PRIM2: variants seen among roughly 807,000 people sequenced by gnomAD.
PRIM2 encodes DNA primase large subunit.
In PRIM2, 39 loss-of-function variants were observed where a neutral mutation model predicts 67.3. The ratio of observed to expected loss-of-function variants is 0.58; its 90% CI spans 0.45 to 0.76. PRIM2 has a LOEUF of 0.76. Ranked by LOEUF, PRIM2 falls within the 30% of genes least tolerant of loss-of-function variation. PRIM2 has a pLI of 0.00. For missense variants in PRIM2, 398 were observed against 598.7 expected, an observed-to-expected ratio of 0.66 and a Z score of 3.50; for synonymous variants, 143 against 198.7, an observed-to-expected ratio of 0.72 and a Z score of 2.36.
At chr6:57,551,452 TGATATTGATTAG>T (rs1775400878) in intron 10 of PRIM2, among the ~76,000 whole-genome samples, 1 of 152,202 alleles carries the variant, frequency 6.6e-6, no homozygotes, top group South Asian at 2.1e-4. Flanking sequence ...ATGGTAAGGA[TGATATTGATTAG>T]GCACCCTAAG....
chr6:57,510,599 G>C (rs1554347625), intron 8 of PRIM2, among the ~76,000 whole-genome samples: 49,730 of 151,894 alleles, frequency 0.33, 8,130 homozygotes, highest in East Asian at 0.45. Flanking sequence ...AGGCAACCAG[G>C]ACTAGATGCT....
At chr6:57,587,857 A>T (rs1409590436) in intron 10 of PRIM2, among the ~76,000 whole-genome samples, 4 of 151,936 alleles carry the variant, frequency 2.6e-5, no homozygotes, top group African/African-American at 9.7e-5. Flanking sequence ...TTAATAGCCA[A>T]ATGGAAGTAA....
At chr6:57,317,018 G>A (rs1767501594), upstream of PRIM2, among the ~76,000 whole-genome samples, 1 of 152,248 alleles carries the variant, frequency 6.6e-6, no homozygotes. Flanking sequence ...GAACCTGCCA[G>A]TAGGGGCTTG....
rs1421539168 is a variant in PRIM2, at chr6:57,582,896, C to A, written c.1021-18197C>A. 1.9e-3 allele frequency among the ~76,000 whole-genome samples: 276 copies of A among 148,496 alleles called. 1 individual carries two copies. Among genetic ancestry groups the A allele is most frequent in the Middle Eastern group, 3.6e-3 (1 of 280 alleles). ...TGGTGTGCTGCACCCATTAACTCGT[C>A]ATTTAGCATTAGGTATATCTCCCAA... is the stretch of plus-strand genomic sequence containing the variant. On this transcript the variant is annotated intron_variant, in intron 10 of 13. Coordinates refer to ENST00000615550, the MANE Select transcript of PRIM2 (RefSeq NM_000947.5).
At chr6:57,310,713 T>G (rs1410195016), upstream of PRIM2, among the ~76,000 whole-genome samples, 2 of 123,410 alleles carry the variant, frequency 1.6e-5, no homozygotes, top group African/African-American at 6.3e-5. Flanking sequence ...CCAGATGGGG[T>G]GGCCGGGCAG....
At chr6:57,415,746 T>C (rs1205270908) in intron 7 of PRIM2, among the ~76,000 whole-genome samples, 1 of 152,240 alleles carries the variant, frequency 6.6e-6, no homozygotes, top group Non-Finnish European at 1.5e-5. Flanking sequence ...ATTTCAACAA[T>C]GTTCATAGCA....
the PRIM2 span, among the ~76,000 whole-genome samples, chr6:57,255,804 C>T: frequency 2.6e-5 from 4 of 152,030 alleles, no homozygotes; most frequent in African/African-American, 9.7e-5. Context: ...ATGAATAAGA[C>T]ACTACTAGAC....
chr6:57,448,743 A>G (rs2215510), intron 7 of PRIM2, among the ~76,000 whole-genome samples: 1 of 152,212 alleles, frequency 6.6e-6, no homozygotes, highest in African/African-American at 2.4e-5. Flanking sequence ...TTAAGATAAA[A>G]AAGTTGTTAA....
chr6:57,282,030 T>A, the PRIM2 span, among the ~76,000 whole-genome samples: 1 of 152,124 alleles, frequency 6.6e-6, no homozygotes, highest in Non-Finnish European at 1.5e-5. Flanking sequence ...AAGGTCACCG[T>A]TAATGAGGGA....
At chr6:57,444,423 T>C (rs1772298640) in intron 7 of PRIM2, among the ~76,000 whole-genome samples, 1 of 151,986 alleles carries the variant, frequency 6.6e-6, no homozygotes, top group South Asian at 2.1e-4. Flanking sequence ...AAAAATTAGC[T>C]GTGTGTAGTG....
At chr6:57,267,730 G>A in the PRIM2 span, among the ~76,000 whole-genome samples, 1,562 of 151,010 alleles carry the variant, frequency 0.01, 12 homozygotes, top group Non-Finnish European at 0.017. Flanking sequence ...GCAACATTGC[G>A]ACACCCCATC....
chr6:57,320,561 G>T lies in PRIM2; in HGVS notation c.258+1G>T, dbSNP rs775500076. The T allele has an allele frequency of 6.3e-7, 1 of 1,586,948 alleles. No individual in the cohort carries two copies. The highest frequency in any genetic ancestry group is 1.2e-5 in the South Asian group (1 of 86,752). On this transcript the variant is annotated splice_donor_variant, in intron 3 of 13. Coordinates refer to ENST00000615550, the MANE Select transcript of PRIM2 (RefSeq NM_000947.5). LOFTEE classifies it high-confidence loss of function. ...TCGGAAGCTCAAGTTTTCCTACAGA[G>T]TAAGTAAAAAAGGAAAAAAAAGTTC...
intron 11 of PRIM2, among the ~76,000 whole-genome samples, chr6:57,602,030 CAGAT>C (rs1267968812): frequency 4.0e-5 from 6 of 151,046 alleles, no homozygotes; most frequent in Non-Finnish European, 1.5e-5. Flanking sequence ...TATAGATAGA[CAGAT>C]AAGATAGATC....
At chr6:57,256,470 C>A in the PRIM2 span, among the ~76,000 whole-genome samples, 21 of 152,100 alleles carry the variant, frequency 1.4e-4, 1 homozygote, top group South Asian at 4.3e-3. Context: ...GATAAAATAA[C>A]GTAAGTCACA....
intron 7 of PRIM2, among the ~76,000 whole-genome samples, chr6:57,451,404 T>G (rs2127390402): frequency 6.6e-6 from 1 of 152,298 alleles, no homozygotes; most frequent in South Asian, 2.1e-4. Context: ...ACTCTCAAAG[T>G]GCTGGGATTA....
At chr6:57,328,847 G>A (rs1388456322) in intron 5 of PRIM2, among the ~76,000 whole-genome samples, 1 of 152,126 alleles carries the variant, frequency 6.6e-6, no homozygotes, top group Non-Finnish European at 1.5e-5. Flanking sequence ...AAAAAATATA[G>A]CCATCATAGT....
intron 11 of PRIM2, among the ~76,000 whole-genome samples, chr6:57,602,097 T>A (rs1776479287): frequency 6.6e-6 from 1 of 151,436 alleles, no homozygotes; most frequent in Non-Finnish European, 1.5e-5. Flanking sequence ...TTCATTCTTG[T>A]TGCCCAGGCT....
At chr6:57,643,559 G>C (rs1777284265) in intron 13 of PRIM2, among the ~76,000 whole-genome samples, 1 of 152,130 alleles carries the variant, frequency 6.6e-6, no homozygotes, top group Admixed American at 6.5e-5. Flanking sequence ...TTTACAAACT[G>C]TAAAGCCTTC....
At chr6:57,536,278 G>A (rs1775001092) in intron 9 of PRIM2, among the ~76,000 whole-genome samples, 1 of 152,240 alleles carries the variant, frequency 6.6e-6, no homozygotes, top group South Asian at 2.1e-4. Context: ...ATTTAAGGAA[G>A]TCATAGAGAA....
Sources: allele counts gnomAD v4.1 joint callset (sites outside exome capture counted in the v4.1 genomes callset), GRCh38; gene constraint gnomAD v4.1.1; transcripts MANE v1.5; gene names NCBI Gene and HGNC (gene_info 2026-07-23, HGNC 2026-07-21).